Variants in VSTM2B observed in about 807,000 individuals in gnomAD.
The protein encoded by VSTM2B is V-set and transmembrane domain containing 2B.
In VSTM2B, 24 loss-of-function variants were observed where a neutral mutation model predicts 24.0. That is an observed-to-expected ratio of 1.00 (90% CI 0.72 to 1.40). The LOEUF is 1.40. VSTM2B is among the 40% of genes most tolerant of loss of function. The pLI is 0.00. For synonymous variants in VSTM2B, 226 were observed against 194.4 expected (o/e 1.16, Z -1.35); for missense variants, 399 against 416.4 (o/e 0.96, Z 0.36).
At chr19:29,563,222 T>G (rs952898387) in intron 4 of VSTM2B, among the ~76,000 whole-genome samples, 1 of 150,686 alleles carries the variant, frequency 6.6e-6, no homozygotes. Flanking sequence ...TCTGTCCTCA[T>G]GTATCTGGGG....
chr19:29,546,439 C>T (rs916595770), intron 4 of VSTM2B, among the ~76,000 whole-genome samples: 5 of 151,974 alleles, frequency 3.3e-5, no homozygotes, highest in Admixed American at 6.6e-5. Flanking sequence ...CACCCAACCT[C>T]TCTGGGCCTC....
chr19:29,557,095 A>G (rs1019711351), intron 4 of VSTM2B, among the ~76,000 whole-genome samples: 6 of 152,234 alleles, frequency 3.9e-5, no homozygotes, highest in African/African-American at 1.4e-4. Flanking sequence ...AGCAAAAAGA[A>G]CAAAGCTGGA....
At chr19:29,542,142 T>C (rs1173509833) in intron 4 of VSTM2B, among the ~76,000 whole-genome samples, 1 of 146,110 alleles carries the variant, frequency 6.8e-6, no homozygotes, top group African/African-American at 2.6e-5. Flanking sequence ...TATAAATAGA[T>C]GGGTAGATGG....
chr19:29,561,947 G>A (rs926251063), intron 4 of VSTM2B, among the ~76,000 whole-genome samples: 3 of 152,218 alleles, frequency 2.0e-5, no homozygotes, highest in Non-Finnish European at 4.4e-5. Flanking sequence ...TGCTGCAGGA[G>A]GGCCAGGAGG....
chr19:29,540,668 C>G (rs772165795), intron 4 of VSTM2B, among the ~76,000 whole-genome samples: 1 of 152,238 alleles, frequency 6.6e-6, no homozygotes, highest in Non-Finnish European at 1.5e-5. Flanking sequence ...TTCAATCATT[C>G]ATCCAGCAAA....
At chr19:29,525,976 T>C (rs943604678), upstream of VSTM2B, among the ~76,000 whole-genome samples, 3 of 147,292 alleles carry the variant, frequency 2.0e-5, no homozygotes, top group Non-Finnish European at 4.5e-5. Flanking sequence ...TCCCTTCCCC[T>C]CCCCTCCCCC....
At chr19:29,563,373 A>C (rs1326440231) in intron 4 of VSTM2B, among the ~76,000 whole-genome samples, 2 of 151,746 alleles carry the variant, frequency 1.3e-5, no homozygotes, top group African/African-American at 4.8e-5. Context: ...CCTTCTGAGC[A>C]GCTGGGAATA....
At chr19:29,535,475 C>T (rs1019983279) in intron 4 of VSTM2B, among the ~76,000 whole-genome samples, 28 of 152,276 alleles carry the variant, frequency 1.8e-4, no homozygotes, top group South Asian at 6.2e-4. Context: ...CACAGAGAGC[C>T]GGCTGGATGT....
At chr19:29,530,620 C>T (rs955693606) in intron 4 of VSTM2B, among the ~76,000 whole-genome samples, 7 of 152,132 alleles carry the variant, frequency 4.6e-5, no homozygotes, top group Admixed American at 1.3e-4. Context: ...GAGGGCTGAG[C>T]TCCGATGGTG....
chr19:29,526,544 CG>C lies in VSTM2B; in HGVS notation c.-39del, dbSNP rs1347509743. The stretch of plus-strand genomic sequence containing the variant: ...CGAGCCCACGCGGCCGCCGCCTCTC[CG>C]CTCCCGGGCCCCCGCCGCCACCGCG... On this transcript the variant is annotated 5_prime_UTR_variant, in exon 1 of 5. Coordinates refer to ENST00000335523, the MANE Select transcript of VSTM2B (RefSeq NM_001146339.2). The surrounding 1 kb of genome is among the most constrained non-coding windows in gnomAD (Gnocchi z 4.1). 5 of 1,479,170 alleles carry C rather than the reference CG, an allele frequency of 3.4e-6. No homozygotes were observed. The highest frequency in any genetic ancestry group is 4.5e-6 in the Non-Finnish European group (5 of 1,114,522). 91.6% of individuals were successfully genotyped at this position (1,479,170 alleles called of 1,614,324 possible).
chr19:29,549,884 G>A lies in VSTM2B; in HGVS notation c.770-13962G>A, dbSNP rs1970239154. On this transcript the variant is annotated intron_variant, in intron 4 of 4. Coordinates refer to ENST00000335523, the MANE Select transcript of VSTM2B (RefSeq NM_001146339.2). Reference sequence around the variant, plus strand: ...GCACTCCTGAGCGGGCCCCAGGGCAGGTGATGGGGAATTGGGAAGAGCAGG... The same window carrying A: ...GCACTCCTGAGCGGGCCCCAGGGCAAGTGATGGGGAATTGGGAAGAGCAGG... 3.9e-5 allele frequency among the ~76,000 whole-genome samples: 6 copies of A among 152,190 alleles called. No individual in the cohort carries two copies. The South Asian group carries it at 1.2e-3, about 31-fold the overall frequency.
At chr19:29,550,472 T>C (rs181880896) in intron 4 of VSTM2B, among the ~76,000 whole-genome samples, 1 of 152,184 alleles carries the variant, frequency 6.6e-6, no homozygotes, top group East Asian at 1.9e-4. Context: ...CAGCACAAAA[T>C]GCAGAACAGA....
intron 4 of VSTM2B, among the ~76,000 whole-genome samples, chr19:29,531,997 C>T (rs376641469): frequency 6.6e-6 from 1 of 152,308 alleles, no homozygotes; most frequent in African/African-American, 2.4e-5. Flanking sequence ...AGAAGCAGCC[C>T]TTGTCAGCTC....
chr19:29,535,804 G>T (rs1969875897), intron 4 of VSTM2B, among the ~76,000 whole-genome samples: 1 of 152,132 alleles, frequency 6.6e-6, no homozygotes, highest in Admixed American at 6.5e-5. Flanking sequence ...CCCAGGACCT[G>T]TGGGCCCTGA....
At chr19:29,540,346 G>A (rs1358421123) in intron 4 of VSTM2B, among the ~76,000 whole-genome samples, 1 of 152,216 alleles carries the variant, frequency 6.6e-6, no homozygotes, top group African/African-American at 2.4e-5. Context: ...GCACAAGAGG[G>A]GCTCAGAAAT....
chr19:29,539,343 G>T (rs547428039), intron 4 of VSTM2B, among the ~76,000 whole-genome samples: 2 of 152,242 alleles, frequency 1.3e-5, no homozygotes, highest in East Asian at 3.9e-4. Context: ...GGGCCTTTCG[G>T]GTGGCAAGGA....
upstream of VSTM2B, chr19:29,525,488 T>C (rs942258090): frequency 1.3e-5 from 2 of 151,536 alleles, no homozygotes; most frequent in East Asian, 3.9e-4. Context: ...CTGGGCGCTG[T>C]GCGCTCACTT....
intron 4 of VSTM2B, among the ~76,000 whole-genome samples, chr19:29,545,238 C>T (rs1012182524): frequency 3.3e-5 from 5 of 151,922 alleles, no homozygotes; most frequent in East Asian, 1.9e-4. Flanking sequence ...GGTAGCCAGG[C>T]GAGAAGAGTT....
At position 29,530,228 on chromosome 19, in the gene VSTM2B, C is replaced by T; in HGVS notation, c.707C>T (p.Ala236Val). 1 of 1,502,954 alleles carries T rather than the reference C, an allele frequency of 6.7e-7. No individual in the cohort carries two copies. The highest frequency in any genetic ancestry group is 8.8e-7 in the Non-Finnish European group (1 of 1,132,702). The allele number at this position is 1,502,954 out of a possible 1,614,324, so 93.1% of individuals were successfully genotyped here. ...ACCACCACAGTCGCGGCAGCTGCTG[C>T]TGCCTCGTCAGCGTCGCCGCCATCG... is the stretch of plus-strand genomic sequence containing the variant. ...TPTTTVAAAA[A>V]ASSASPPSGQ... is the part of the protein sequence containing the mutation. Residue 236 changes from alanine (A) to valine (V), a missense_variant, in exon 4 of 5, where the codon GCT becomes GTT. By Grantham distance (64) the Ala-to-Val change is moderately conservative. Coordinates refer to ENST00000335523, the MANE Select transcript of VSTM2B (RefSeq NM_001146339.2).
Sources: allele counts gnomAD v4.1 joint callset (sites outside exome capture counted in the v4.1 genomes callset), GRCh38; gene constraint gnomAD v4.1.1; non-coding constraint Gnocchi (gnomAD v3.1); transcripts MANE v1.5; gene names NCBI Gene and HGNC (gene_info 2026-07-23, HGNC 2026-07-21).